MNAT1: variants seen among roughly 807,000 people sequenced by gnomAD.
The protein encoded by MNAT1 is MNAT1 component of CDK activating kinase, also known as CDK-activating kinase assembly factor MAT1.
MNAT1 carries 43 observed loss-of-function variants against 42.0 expected under a neutral mutation model. The observed-to-expected ratio is 1.02, with a 90% CI of 0.80 to 1.32. The LOEUF (loss-of-function observed/expected upper bound fraction) is 1.32. Among genes scored for constraint, MNAT1 ranks in the 40% most tolerant of loss-of-function variants. The pLI is 0.00. For missense variants in MNAT1, 306 were observed against 350.4 expected (o/e 0.87, Z 1.01); for synonymous variants, 118 against 120.0 (o/e 0.98, Z 0.11).
intron 6 of MNAT1, among the ~76,000 whole-genome samples, chr14:60,836,902 C>G (rs1219793883): frequency 6.6e-6 from 1 of 152,216 alleles, no homozygotes; most frequent in Non-Finnish European, 1.5e-5. Context: ...AAGCCCCTTA[C>G]TGGGGCTGCT....
Position 60,759,199 on chromosome 14 carries a change from G to GA in MNAT1, c.89+24253dup, listed in dbSNP as rs917913191. Among the ~76,000 whole-genome samples, 71 of 152,274 alleles carry GA rather than the reference G, an allele frequency of 4.7e-4. 1 individual carries two copies. The Middle Eastern group carries it at 0.02, about 44-fold the overall frequency. ...TCTGTTATTAAAGAAATATAAGCCT[G>GA]AAAAATGCTACTGTAATATATGCTA... On this transcript the variant is annotated intron_variant, in intron 1 of 7. Coordinates refer to ENST00000261245, the MANE Select transcript of MNAT1 (RefSeq NM_002431.4).
intron 7 of MNAT1, among the ~76,000 whole-genome samples, chr14:60,960,549 A>C (rs968398018): frequency 2.0e-5 from 3 of 152,104 alleles, no homozygotes; most frequent in Non-Finnish European, 4.4e-5. Context: ...ATATGTCTCT[A>C]CTATAATCAC....
intron 3 of MNAT1, among the ~76,000 whole-genome samples, chr14:60,801,876 G>A (rs2032212387): frequency 6.6e-6 from 1 of 152,126 alleles, no homozygotes; most frequent in East Asian, 1.9e-4. Flanking sequence ...ATCAACCTAA[G>A]TGTCCATCAT....
chr14:60,785,218 A>G (rs1034896144), intron 1 of MNAT1, among the ~76,000 whole-genome samples: 1 of 152,212 alleles, frequency 6.6e-6, no homozygotes, highest in African/African-American at 2.4e-5. Context: ...AACTCATTTA[A>G]TTAAGTTGAT....
chr14:60,812,501 A>G (rs2032584627), intron 5 of MNAT1, among the ~76,000 whole-genome samples: 1 of 152,148 alleles, frequency 6.6e-6, no homozygotes, highest in Non-Finnish European at 1.5e-5. Flanking sequence ...CATGTTGAAG[A>G]CAGTTTAAAA....
intron 6 of MNAT1, among the ~76,000 whole-genome samples, chr14:60,876,473 G>T (rs1448828289): frequency 2.0e-5 from 3 of 151,922 alleles, no homozygotes; most frequent in Non-Finnish European, 2.9e-5. Flanking sequence ...GTACATTTCT[G>T]TGACATTAAG....
At chr14:60,915,541 C>G (rs779377668) in intron 7 of MNAT1, among the ~76,000 whole-genome samples, 23 of 152,274 alleles carry the variant, frequency 1.5e-4, no homozygotes, top group Non-Finnish European at 2.6e-4. Flanking sequence ...TCTACCCTAT[C>G]TAGGGCTACG....
intron 1 of MNAT1, among the ~76,000 whole-genome samples, chr14:60,736,305 TGG>T (rs1896308544): frequency 6.6e-6 from 1 of 152,008 alleles, no homozygotes; most frequent in Non-Finnish European, 1.5e-5. Context: ...TTTTTTTTTT[TGG>T]GAAGGATACT....
chr14:60,892,637 T>A (rs1440396838), intron 7 of MNAT1, among the ~76,000 whole-genome samples: 1 of 152,130 alleles, frequency 6.6e-6, no homozygotes, highest in African/African-American at 2.4e-5. Flanking sequence ...CATTTTTTAT[T>A]TGTTTTACAT....
At chr14:60,866,275 A>T in intron 6 of MNAT1, among the ~76,000 whole-genome samples, 1 of 150,694 alleles carries the variant, frequency 6.6e-6, no homozygotes, top group African/African-American at 2.4e-5. Context: ...CTTTATAGGC[A>T]ATTTGAGGGA....
chr14:60,941,190 T>C (rs1452699241), intron 7 of MNAT1, among the ~76,000 whole-genome samples: 1 of 152,208 alleles, frequency 6.6e-6, no homozygotes, highest in Admixed American at 6.5e-5. Context: ...TTTAATTGTA[T>C]TACTGTTTTG....
At chr14:60,825,620 T>C (rs1420314909) in intron 6 of MNAT1, among the ~76,000 whole-genome samples, 1 of 152,242 alleles carries the variant, frequency 6.6e-6, no homozygotes, top group African/African-American at 2.4e-5. Context: ...ATGGTATTCC[T>C]ATTTTTACAA....
At position 60,850,672 on chromosome 14, in the gene MNAT1, C is replaced by T. The variant is rs370108281; in HGVS notation, c.688-29042C>T. ...GAATAAGATAATATAATGAAATGCT[C>T]AATCTTTGAGCAGCCTTCTTAGATG... On this transcript the variant is annotated intron_variant, in intron 6 of 7. Coordinates refer to ENST00000261245, the MANE Select transcript of MNAT1 (RefSeq NM_002431.4). Among the ~76,000 whole-genome samples the T allele has an allele frequency of 5.9e-5, 9 of 152,282 alleles. No homozygotes were observed. The East Asian group carries it at 1.7e-3, about 29-fold the overall frequency.
chr14:60,824,225 G>T (rs902157493), intron 6 of MNAT1, among the ~76,000 whole-genome samples: 1 of 151,938 alleles, frequency 6.6e-6, no homozygotes, highest in Non-Finnish European at 1.5e-5. Flanking sequence ...GCTTTGATTT[G>T]TAATATATGA....
Position 60,968,535 on chromosome 14 carries a change from A to T in MNAT1, c.*186A>T. Reference sequence around the variant, plus strand: ...TATAGGGGATATATATTTGTGAAAAATAATTTTTACTTATATTTTTCAGAG... The same window carrying T: ...TATAGGGGATATATATTTGTGAAAATTAATTTTTACTTATATTTTTCAGAG... On this transcript the variant is annotated 3_prime_UTR_variant, in exon 8 of 8. Coordinates refer to ENST00000261245, the MANE Select transcript of MNAT1 (RefSeq NM_002431.4). 1 of 1,437,556 alleles carries T rather than the reference A, an allele frequency of 7.0e-7. No individual in the cohort carries two copies. Among genetic ancestry groups the T allele is most frequent in the South Asian group, 1.3e-5 (1 of 78,592 alleles). The allele number at this position is 1,437,556 out of a possible 1,614,324, so 89.1% of individuals were successfully genotyped here.
chr14:60,922,737 A>G (rs1325103094), intron 7 of MNAT1, among the ~76,000 whole-genome samples: 1 of 152,154 alleles, frequency 6.6e-6, no homozygotes, highest in Non-Finnish European at 1.5e-5. Flanking sequence ...AGTCAAATGG[A>G]ATAGTGATCA....
At chr14:60,858,848 A>G (rs1045628298) in intron 6 of MNAT1, among the ~76,000 whole-genome samples, 8 of 152,208 alleles carry the variant, frequency 5.3e-5, no homozygotes, top group African/African-American at 1.9e-4. Context: ...AGATATGTGC[A>G]CTGTGTTTTA....
rs2032561470 is a variant in MNAT1, at chr14:60,812,014, G to A, written c.448G>A (p.Ala150Thr). ...TCGAGAACAGGAAGAACTGGAAGAAGCTTTAGAAGTGGAACGACAGGAAAA... is the reference window on the plus strand; with the variant it reads ...TCGAGAACAGGAAGAACTGGAAGAAACTTTAGAAGTGGAACGACAGGAAAA... Reference protein sequence around the residue: ...LTREQEELEEALEVERQENEQ... With the variant: ...LTREQEELEETLEVERQENEQ... Residue 150 changes from alanine (A) to threonine (T), a missense_variant, in exon 5 of 8, where the codon GCT (alanine) becomes ACT (threonine). Around this residue, in one of 3 missense-constraint regions of MNAT1, gnomAD observed 118 missense variants for 99.8 expected, o/e 1.18. Coordinates refer to ENST00000261245, the MANE Select transcript of MNAT1 (RefSeq NM_002431.4). The A allele has an allele frequency of 6.3e-7, 1 of 1,599,798 alleles. No individual in the cohort carries two copies. The highest frequency in any genetic ancestry group is 1.2e-5 in the South Asian group (1 of 86,706).
chr14:60,964,585 C>A (rs1051699808), intron 7 of MNAT1, among the ~76,000 whole-genome samples: 2 of 152,088 alleles, frequency 1.3e-5, no homozygotes, highest in Admixed American at 6.5e-5. Flanking sequence ...TAAAATAAAC[C>A]CATGAAAAAC....
Sources: allele counts gnomAD v4.1 joint callset (sites outside exome capture counted in the v4.1 genomes callset), GRCh38; gene constraint gnomAD v4.1.1; regional missense constraint gnomAD v4.1.1; transcripts MANE v1.5; gene names NCBI Gene and HGNC (gene_info 2026-07-23, HGNC 2026-07-21).